NCAM2: variants seen among roughly 807,000 people sequenced by gnomAD.
The protein encoded by NCAM2 is neural cell adhesion molecule 2.
A neutral mutation model predicts 98.1 loss-of-function variants in NCAM2; 30 were observed. That is an observed-to-expected ratio of 0.31 (90% CI 0.23 to 0.41). The LOEUF is 0.41. NCAM2 is among the 10% of genes least tolerant of loss of function. The probability of loss-of-function intolerance (pLI) is 1.00; values close to 1 mark genes in which losing one functional copy is unlikely to be tolerated. For synonymous variants in NCAM2, 368 were observed against 342.4 expected, an observed-to-expected ratio of 1.07 and a Z score of -0.83; for missense variants, 867 against 1,005.8, an observed-to-expected ratio of 0.86 and a Z score of 1.87.
chr21:21,363,168 ATAAT>A (rs2075691855), intron 8 of NCAM2, among the ~76,000 whole-genome samples: 1 of 152,172 alleles, frequency 6.6e-6, no homozygotes, highest in Non-Finnish European at 1.5e-5. Flanking sequence ...AGAGAAAGTG[ATAAT>A]TAACATATCA....
intron 1 of NCAM2, among the ~76,000 whole-genome samples, chr21:21,132,008 T>C (rs2066946150): frequency 6.6e-6 from 1 of 152,216 alleles, no homozygotes; most frequent in Admixed American, 6.5e-5. Flanking sequence ...AAATGAATCA[T>C]ACAGGGCTAA....
intron 5 of NCAM2, among the ~76,000 whole-genome samples, chr21:21,303,253 C>A (rs2073779073): frequency 6.6e-6 from 1 of 151,108 alleles, no homozygotes. Flanking sequence ...AAAAAGAAGT[C>A]AGAAGTGGAA....
chr21:21,431,689 AC>A (rs1165143441), intron 11 of NCAM2, among the ~76,000 whole-genome samples: 1 of 152,152 alleles, frequency 6.6e-6, no homozygotes, highest in Non-Finnish European at 1.5e-5. Context: ...TTGTATTTTC[AC>A]AAGGCACCAT....
intron 1 of NCAM2, among the ~76,000 whole-genome samples, chr21:21,263,080 C>A (rs2071985684): frequency 6.6e-6 from 1 of 152,058 alleles, no homozygotes; most frequent in Admixed American, 6.6e-5. Flanking sequence ...TCTTCTCTGA[C>A]AACATGATCC....
intron 1 of NCAM2, among the ~76,000 whole-genome samples, chr21:21,174,370 A>G (rs747010048): frequency 1.3e-5 from 2 of 152,226 alleles, no homozygotes; most frequent in Non-Finnish European, 2.9e-5. Flanking sequence ...TTTGAACAGT[A>G]TAAGTGTCTT....
chr21:21,068,525 T>A (rs2065491260), intron 1 of NCAM2, among the ~76,000 whole-genome samples: 1 of 146,328 alleles, frequency 6.8e-6, no homozygotes, highest in Non-Finnish European at 1.5e-5. Context: ...AGTGGCGCAA[T>A]CTCGGCTCAC....
At chr21:21,189,347 C>T (rs1311121570) in intron 1 of NCAM2, among the ~76,000 whole-genome samples, 1 of 152,000 alleles carries the variant, frequency 6.6e-6, no homozygotes, top group East Asian at 1.9e-4. Flanking sequence ...TTAATAATGG[C>T]TGAAAATATA....
intron 1 of NCAM2, among the ~76,000 whole-genome samples, chr21:21,262,658 C>CAAAAAAAAAAAA (rs33912324): frequency 5.1e-5 from 4 of 78,956 alleles, no homozygotes; most frequent in African/African-American, 1.5e-4. Flanking sequence ...AACAATCAGT[C>CAAAAAAAAAAAA]AAAAAAAAAA....
At chr21:21,463,657 A>C (rs923948111) in intron 12 of NCAM2, 8 of 152,082 alleles carry the variant, frequency 5.3e-5, no homozygotes, top group East Asian at 1.9e-4. Context: ...GAACAGAAAC[A>C]TGTGAGGAAA....
At chr21:21,461,509 C>G (rs1486070254) in intron 12 of NCAM2, among the ~76,000 whole-genome samples, 1 of 151,758 alleles carries the variant, frequency 6.6e-6, no homozygotes, top group Non-Finnish European at 1.5e-5. Flanking sequence ...TAAAATAATG[C>G]CATCAACATA....
chr21:21,269,497 G>A (rs2072414265), intron 1 of NCAM2, among the ~76,000 whole-genome samples: 7 of 152,062 alleles, frequency 4.6e-5, no homozygotes, highest in Admixed American at 4.6e-4. Flanking sequence ...TTTTATTTGG[G>A]TAATCACTGT....
rs2065649379 is a variant in NCAM2 at position 21,074,975 on chromosome 21, G to A, written c.55+76357G>A. Among the ~76,000 whole-genome samples, 5 of 152,248 alleles carry A rather than the reference G, an allele frequency of 3.3e-5. No individual in the cohort carries two copies. The South Asian group carries it at 8.3e-4, about 25-fold the overall frequency. ...GTGATAAAGAGGATAAAGAAAATGT[G>A]GCACATGTACACCATGAAATACTAT... On this transcript the variant is annotated intron_variant, in intron 1 of 17. Transcript: ENST00000400546.
intron 12 of NCAM2, among the ~76,000 whole-genome samples, chr21:21,443,635 C>T (rs1289717347): frequency 6.6e-6 from 1 of 151,978 alleles, no homozygotes; most frequent in Non-Finnish European, 1.5e-5. Context: ...CTTTGGATAA[C>T]AGTTCTGATG....
intron 6 of NCAM2, among the ~76,000 whole-genome samples, chr21:21,327,181 G>A (rs1005784307): frequency 1.3e-5 from 2 of 151,964 alleles, no homozygotes; most frequent in Non-Finnish European, 2.9e-5. Flanking sequence ...GGTGGTACGC[G>A]CCTGTAGTCC....
chr21:21,419,360 AT>A (rs1052125697), intron 11 of NCAM2, among the ~76,000 whole-genome samples: 4 of 48,994 alleles, frequency 8.2e-5, no homozygotes, highest in Middle Eastern at 0.017. Flanking sequence ...TTTTTTTTCG[AT>A]TTTTTTTTAT....
intron 1 of NCAM2, among the ~76,000 whole-genome samples, chr21:21,192,632 G>A (rs547543108): frequency 5.9e-5 from 9 of 152,162 alleles, no homozygotes; most frequent in African/African-American, 1.4e-4. Context: ...GAGGAATAAA[G>A]GGAGAATTTT....
At chr21:21,271,759 A>G (rs930848162) in intron 1 of NCAM2, among the ~76,000 whole-genome samples, 4 of 152,180 alleles carry the variant, frequency 2.6e-5, no homozygotes, top group Non-Finnish European at 5.9e-5. Flanking sequence ...GTAATAAAAA[A>G]GTGGGGCCTT....
At chr21:21,533,282 G>A (rs140446394) in intron 16 of NCAM2, among the ~76,000 whole-genome samples, 37 of 147,662 alleles carry the variant, frequency 2.5e-4, no homozygotes, top group African/African-American at 7.7e-4. Flanking sequence ...TGTTCTAAAT[G>A]TCCCACCCTT....
chr21:21,439,134 T>G (rs1002887194), intron 12 of NCAM2, among the ~76,000 whole-genome samples: 3 of 151,908 alleles, frequency 2.0e-5, no homozygotes, highest in Admixed American at 1.3e-4. Flanking sequence ...TTTTTTTTTT[T>G]TGATACAGAG....
Sources: gnomAD v4.1 joint callset for allele counts (sites outside exome capture counted in the v4.1 genomes callset) on GRCh38, gnomAD v4.1.1 for gene constraint, MANE v1.5 for transcripts, NCBI Gene and HGNC (gene_info 2026-07-23, HGNC 2026-07-21) for gene names.